The following ELOVL2 variants were observed in gnomAD, a reference collection of about 807,000 sequenced individuals.
The protein encoded by ELOVL2 is ELOVL fatty acid elongase 2.
ELOVL2 carries 38 observed loss-of-function variants against 37.7 expected under a neutral mutation model. The observed-to-expected ratio is 1.01, with a 90% CI of 0.78 to 1.32. ELOVL2 has a LOEUF of 1.32. Among genes scored for constraint, ELOVL2 ranks in the 40% most tolerant of loss-of-function variants. ELOVL2 has a pLI of 0.00. For missense variants in ELOVL2, 352 were observed against 363.6 expected (o/e 0.97, Z 0.26); for synonymous variants, 115 against 122.3 (o/e 0.94, Z 0.40).
intron 5 of ELOVL2, among the ~76,000 whole-genome samples, chr6:10,993,857 ATTTTTTTTTTTTTT>A (rs530539525): frequency 0.043 from 3,379 of 79,244 alleles, 180 homozygotes; most frequent in African/African-American, 0.13. Flanking sequence ...CGCCCAGCTA[ATTTTTTTTTTTTTT>A]TTTTTTTTTT....
At chr6:11,015,771 A>G (rs980135283) in intron 1 of ELOVL2, 4 of 152,172 alleles carry the variant, frequency 2.6e-5, no homozygotes, top group Non-Finnish European at 5.9e-5. Flanking sequence ...CTTCTTGGGC[A>G]CTTTTTGCCA....
At position 10,983,790 on chromosome 6, in the gene ELOVL2, T is replaced by C. The variant is rs1034562116; in HGVS notation, c.882A>G (p.Lys294=). 2 of 1,606,730 alleles carry C rather than the reference T, an allele frequency of 1.2e-6. No individual in the cohort carries two copies. The highest frequency in any genetic ancestry group is 2.7e-5 in the African/African-American group (2 of 74,352). Reference sequence around the variant, plus strand: ...TTTCTGTTACTCATTTTTATTGTGCTTTCTTGTTCATCACTCCATTTGCTG... The same window carrying C: ...TTTCTGTTACTCATTTTTATTGTGCCTTCTTGTTCATCACTCCATTTGCTG... ...FTAANGVMNK[K]AQ The change falls in exon 8 of 8, where the codon AAA becomes AAG. Residue 294 remains lysine (K), a synonymous_variant. Coordinates refer to ENST00000354666, the MANE Select transcript of ELOVL2 (RefSeq NM_017770.4).
At chr6:11,040,350 C>G (rs1173436116) in intron 1 of ELOVL2, among the ~76,000 whole-genome samples, 2 of 152,094 alleles carry the variant, frequency 1.3e-5, no homozygotes, top group African/African-American at 4.8e-5. Flanking sequence ...ACGGTAGCCT[C>G]TAACCACAGG....
Position 11,000,152 on chromosome 6 carries a change from T to A in ELOVL2, c.268A>T (p.Thr90Ser), listed in dbSNP as rs933437261. Residue 90 changes from threonine (T) to serine (S), a missense_variant, in exon 4 of 8, where the codon ACT (threonine) becomes TCT (serine). Transcript: ENST00000354666. ...AYMLAELILSTWEGGYNLQCQ... is the reference protein window; with the variant it reads ...AYMLAELILSSWEGGYNLQCQ... The stretch of plus-strand genomic sequence containing the variant: ...TGTAAGTTGTAGCCTCCTTCCCAAG[T>A]GGAGAGAATGAGCTGCCAAAGAACC... 1.2e-6 allele frequency: 2 copies of A among 1,613,896 alleles called. No homozygotes were observed. The highest frequency in any genetic ancestry group is 1.3e-5 in the African/African-American group (1 of 74,866).
At position 10,981,190 on chromosome 6, in the gene ELOVL2, G is replaced by A. The variant is rs943961198; in HGVS notation, c.*2591C>T. On this transcript the variant is annotated 3_prime_UTR_variant, in exon 8 of 8. Coordinates refer to ENST00000354666, the MANE Select transcript of ELOVL2 (RefSeq NM_017770.4). ...TCCATTTTGTTAGTTTAAAAAATTG[G>A]GGGAATTATTAATAGATATGCTTTA... 1 of 152,092 alleles carries A rather than the reference G, an allele frequency of 6.6e-6. No homozygotes were observed. The highest frequency in any genetic ancestry group is 6.6e-5 in the Admixed American group (1 of 15,246). 9.4% of individuals were successfully genotyped at this position (152,092 alleles called of 1,614,324 possible). A position where few individuals can be genotyped will look rare whatever the true frequency, so the allele number is the denominator to read the frequency against.
chr6:11,033,614 A>C (rs1428144985), intron 1 of ELOVL2, among the ~76,000 whole-genome samples: 2 of 152,238 alleles, frequency 1.3e-5, no homozygotes, highest in African/African-American at 4.8e-5. Context: ...TTATGAGTGC[A>C]TAAGTGAGAA....
chr6:11,013,760 TGAG>T lies in ELOVL2; in HGVS notation c.4-2954_4-2952del, dbSNP rs1782623367. On this transcript the variant is annotated intron_variant, in intron 1 of 7. Transcript: ENST00000354666. ...TTCAAGATGGTTAGAATTGGGTGGA[TGAG>T]AAGGGAACAGTATAGCCCTTAGACC... Among the ~76,000 whole-genome samples the T allele has an allele frequency of 2.6e-5, 4 of 151,048 alleles. No individual in the cohort carries two copies. In the Admixed American group the frequency reaches 2.6e-4, roughly 10 times the overall value.
chr6:11,036,486 T>C (rs1783007277), intron 1 of ELOVL2, among the ~76,000 whole-genome samples: 2 of 152,198 alleles, frequency 1.3e-5, no homozygotes, highest in Admixed American at 1.3e-4. Flanking sequence ...AACAATTCCC[T>C]GGGCTCTGGA....
chr6:10,994,776 G>T (rs1196257468), intron 5 of ELOVL2, among the ~76,000 whole-genome samples: 1 of 152,124 alleles, frequency 6.6e-6, no homozygotes, highest in African/African-American at 2.4e-5. Context: ...TATGATGTGT[G>T]GAAAAGAAAA....
intron 1 of ELOVL2, among the ~76,000 whole-genome samples, chr6:11,019,081 A>G (rs1326338418): frequency 6.6e-6 from 1 of 152,216 alleles, no homozygotes; most frequent in Non-Finnish European, 1.5e-5. Flanking sequence ...TACAGTTATC[A>G]TAAGATTGCA....
Position 11,009,592 on chromosome 6 carries a change from G to A in ELOVL2, c.67+1154C>T, listed in dbSNP as rs76208237. 3.0e-3 allele frequency among the ~76,000 whole-genome samples: 453 copies of A among 152,224 alleles called. 3 individuals are homozygous for A. The highest frequency in any genetic ancestry group is 0.021 in the South Asian group (100 of 4,820). ...CTGACTCATCTGGAGGGAGGGGTAG[G>A]AGATCCTAGGAAGGAATTCCAGGCT... On this transcript the variant is annotated intron_variant, in intron 2 of 7. Coordinates refer to ENST00000354666, the MANE Select transcript of ELOVL2 (RefSeq NM_017770.4).
At position 11,044,185 on chromosome 6, in the gene ELOVL2, A is replaced by G; in HGVS notation, c.3+43T>C. ...CCCGGTGCGTGGGTCCAGGAGAGAA[A>G]GAAAGCGCGGCGGTGTCGGTGGCGG... On this transcript the variant is annotated intron_variant, in intron 1 of 7. Coordinates refer to ENST00000354666, the MANE Select transcript of ELOVL2 (RefSeq NM_017770.4). This position sits in a 1 kb window ranked among gnomAD's most constrained non-coding sequence, Gnocchi z 5.6. 1 of 1,453,078 alleles carries G rather than the reference A, an allele frequency of 6.9e-7. No homozygotes were observed. The highest frequency in any genetic ancestry group is 1.5e-5 in the African/African-American group (1 of 67,660). The allele number at this position is 1,453,078 out of a possible 1,614,324, so 90.0% of individuals were successfully genotyped here.
chr6:11,011,365 C>CAAAAA (rs199986191), intron 1 of ELOVL2, among the ~76,000 whole-genome samples: 5 of 109,156 alleles, frequency 4.6e-5, no homozygotes, highest in African/African-American at 1.6e-4. Context: ...GACTCTGTCT[C>CAAAAA]AAAAAAAAAA....
At chr6:11,026,862 T>TTCTA (rs138487053) in intron 1 of ELOVL2, among the ~76,000 whole-genome samples, 13,044 of 152,164 alleles carry the variant, frequency 0.086, 1,664 homozygotes, top group African/African-American at 0.28. Flanking sequence ...ACATAGAGAT[T>TTCTA]TCTTTTAAAA....
Position 10,989,809 on chromosome 6 carries a change from G to T in ELOVL2, c.659C>A (p.Thr220Asn). The T allele has an allele frequency of 6.2e-7, 1 of 1,614,188 alleles. No individual in the cohort carries two copies. The highest frequency in any genetic ancestry group is 8.5e-7 in the Non-Finnish European group (1 of 1,180,034). ...ACACGGTTTCACGACGGCGCTCATG[G>T]TGTGCGTGATGGTGAGCACGAACTG... ...LVQFVLTITH[T>N]MSAVVKPCGF... Residue 220 changes from threonine (T) to asparagine (N), a missense_variant, in exon 7 of 8, where the codon ACC becomes AAC. Thr to Asn is a moderately conservative substitution (Grantham distance 65, BLOSUM62 0). Transcript: ENST00000354666.
chr6:11,002,863 C>T (rs1231527108), intron 3 of ELOVL2, among the ~76,000 whole-genome samples: 2 of 152,180 alleles, frequency 1.3e-5, no homozygotes, highest in African/African-American at 4.8e-5. Flanking sequence ...TATTCAGTGC[C>T]TAGGAAAAGC....
At chr6:11,029,545 C>T (rs1251850471) in intron 1 of ELOVL2, among the ~76,000 whole-genome samples, 2 of 152,186 alleles carry the variant, frequency 1.3e-5, no homozygotes, top group Non-Finnish European at 2.9e-5. Context: ...GGCATACTGT[C>T]GTAGCCTCAC....
At chr6:11,021,309 T>A (rs777053535) in intron 1 of ELOVL2, among the ~76,000 whole-genome samples, 1 of 152,220 alleles carries the variant, frequency 6.6e-6, no homozygotes, top group Non-Finnish European at 1.5e-5. Context: ...CCCAAACTAG[T>A]CAAGATCTTC....
intron 3 of ELOVL2, among the ~76,000 whole-genome samples, chr6:11,002,965 A>C (rs995644370): frequency 6.6e-6 from 1 of 152,208 alleles, no homozygotes; most frequent in African/African-American, 2.4e-5. Context: ...CTTATAGATA[A>C]GTTGCCTAAG....
Sources: gnomAD v4.1 joint callset for allele counts (sites outside exome capture counted in the v4.1 genomes callset) on GRCh38, gnomAD v4.1.1 for gene constraint, Gnocchi (gnomAD v3.1) non-coding constraint, MANE v1.5 for transcripts, NCBI Gene and HGNC (gene_info 2026-07-23, HGNC 2026-07-21) for gene names.